CTSL: variants seen among roughly 807,000 people sequenced by gnomAD.
CTSL encodes the protein cathepsin L.
CTSL carries 23 observed loss-of-function variants against 34.7 expected under a neutral mutation model. The ratio of observed to expected loss-of-function variants is 0.66; its 90% CI spans 0.48 to 0.94. CTSL has a LOEUF of 0.94. CTSL is among the 40% of genes least tolerant of loss of function. The pLI is 0.00. For synonymous variants in CTSL, 129 were observed against 136.7 expected (o/e 0.94, Z 0.39); for missense variants, 361 against 406.3 (o/e 0.89, Z 0.96).
intron 5 of CTSL, chr9:87,729,062 G>A (rs1267965502): frequency 3.4e-5 from 34 of 995,864 alleles, no homozygotes; most frequent in Non-Finnish European, 3.8e-5. Flanking sequence ...GGTGGTGTGC[G>A]TCTGTGGTCC....
At chr9:87,728,973 C>T (rs1826150829) in intron 5 of CTSL, 164 bp downstream of exon 5, 1 of 1,447,406 alleles carries the variant, frequency 6.9e-7, no homozygotes, top group Non-Finnish European at 9.0e-7. Context: ...ATGGCTTAAG[C>T]TCAGGAGTTT....
Position 87,728,645 on chromosome 9 carries a change from C to G in CTSL, c.457C>G (p.Arg153Gly). 4 of 1,613,956 alleles carry G rather than the reference C, an allele frequency of 2.5e-6. No individual in the cohort carries two copies. The highest frequency in any genetic ancestry group is 3.4e-6 in the Non-Finnish European group (4 of 1,180,004). The part of the protein sequence containing the change: ...ATGALEGQMF[R>G]KTGRLISLSE... ...TGGTGCTCTTGAAGGACAGATGTTC[C>G]GGAAAACTGGGAGGCTTATCTCACT... Residue 153 changes from arginine to glycine, a missense_variant, in exon 5 of 8, where the codon CGG becomes GGG. Physicochemically the swap from Arg to Gly is moderately radical, Grantham distance 125. Transcript: ENST00000343150.
At position 87,728,590 on chromosome 9, in the gene CTSL, G is replaced by T. The variant is rs11541204; in HGVS notation, c.402G>T (p.Gln134His). Residue 134 changes from glutamine (Q) to histidine (H), a missense_variant, in exon 5 of 8, where the codon CAG becomes CAT. Gln to His is a conservative substitution (Grantham distance 24). Transcript: ENST00000343150. ...TTTTTTAATTCCCTTTTCAGGGTCA[G>T]TGTGGTTCTTGTTGGGCTTTTAGTG... is the stretch of plus-strand genomic sequence containing the variant. The part of the protein sequence containing the change: ...GYVTPVKNQG[Q>H]CGSCWAFSAT... 1.2e-6 allele frequency: 2 copies of T among 1,613,638 alleles called. No homozygotes were observed. Among genetic ancestry groups the T allele is most frequent in the East Asian group, 4.5e-5 (2 of 44,872 alleles).
chr9:87,729,916 A>G (rs1313831147), intron 6 of CTSL, among the ~76,000 whole-genome samples, 181 bp downstream of exon 6: 1 of 152,220 alleles, frequency 6.6e-6, no homozygotes, highest in Non-Finnish European at 1.5e-5. Context: ...TATGTTGCGT[A>G]TATCTCCATG....
Position 87,731,015 on chromosome 9 carries a change from G to A in CTSL, c.910G>A (p.Glu304Lys), listed in dbSNP as rs1339130284. The change falls in exon 8 of 8, where the codon GAA becomes AAA. Residue 304 changes from glutamate to lysine, a missense_variant. By Grantham distance (56) the Glu-to-Lys change is moderately conservative (BLOSUM62 1). Transcript: ENST00000343150. ...AACCTGCTCTTTTTTCAGCTGGGGT[G>A]AAGAATGGGGCATGGGTGGCTACGT... ...KYWLVKNSWG[E>K]EWGMGGYVKM... The A allele has an allele frequency of 1.9e-6, 3 of 1,613,868 alleles. No homozygotes were observed. Among genetic ancestry groups the A allele is most frequent in the Non-Finnish European group, 2.5e-6 (3 of 1,179,828 alleles).
chr9:87,728,074 G>T lies in CTSL; in HGVS notation c.174G>T (p.Met58Ile). Residue 58 changes from methionine to isoleucine, a missense_variant, in exon 3 of 8, where the codon ATG (methionine) becomes ATT (isoleucine). By Grantham distance (10) the Met-to-Ile change is conservative. Transcript: ENST00000343150. ...RRAVWEKNMK[M>I]IELHNQEYRE... is the part of the protein sequence containing the mutation. ...CAGTGTGGGAGAAGAACATGAAGAT[G>T]ATTGAACTGCACAATCAGGAATACA... 1.9e-6 allele frequency: 3 copies of T among 1,614,046 alleles called. No individual in the cohort carries two copies. The highest frequency in any genetic ancestry group is 1.7e-6 in the Non-Finnish European group (2 of 1,179,942).
Position 87,726,142 on chromosome 9 carries a change from G to C in CTSL, c.-267G>C, listed in dbSNP as rs949572236. ...CCAGAACCGCGACCTCCGCAACCTT[G>C]AGCGGCATCCGTGGAGTGCGCCTGC... On this transcript the variant is annotated 5_prime_UTR_variant, in exon 1 of 8. Coordinates refer to ENST00000343150, the MANE Select transcript of CTSL (RefSeq NM_001912.5). The C allele has an allele frequency of 4.6e-5, 7 of 152,200 alleles. No individual in the cohort carries two copies. Among genetic ancestry groups the C allele is most frequent in the African/African-American group, 1.7e-4 (7 of 41,322 alleles). The allele number at this position is 152,200 out of a possible 1,614,324, so 9.4% of individuals were successfully genotyped here.
At chr9:87,727,895 A>C in intron 2 of CTSL, 132 bp from the exon 3 acceptor site, 1 of 1,436,452 alleles carries the variant, frequency 7.0e-7, no homozygotes, top group East Asian at 2.3e-5. Context: ...AGTTTGGAGA[A>C]CAGCATCCCC....
At chr9:87,730,597 C>G in intron 7 of CTSL, 99 bp downstream of exon 7, 1 of 776,210 alleles carries the variant, frequency 1.3e-6, no homozygotes, top group Non-Finnish European at 2.1e-6. Context: ...AGGCATACTT[C>G]TGAAATCCCC....
At position 87,728,082 on chromosome 9, in the gene CTSL, T is replaced by C. The variant is rs1249790217; in HGVS notation, c.182T>C (p.Leu61Pro). Reference protein sequence around the residue: ...VWEKNMKMIELHNQEYREGKH... With the variant: ...VWEKNMKMIEPHNQEYREGKH... ...GAGAAGAACATGAAGATGATTGAAC[T>C]GCACAATCAGGAATACAGGGAAGGG... The change falls in exon 3 of 8, where the codon CTG (leucine) becomes CCG (proline). Residue 61 changes from leucine (L) to proline (P), a missense_variant. By Grantham distance (98) the Leu-to-Pro change is moderately conservative. Coordinates refer to ENST00000343150, the MANE Select transcript of CTSL (RefSeq NM_001912.5). 6.2e-7 allele frequency: 1 copy of C among 1,613,908 alleles called. No homozygotes were observed. Among genetic ancestry groups the C allele is most frequent in the Non-Finnish European group, 8.5e-7 (1 of 1,179,844 alleles).
intron 7 of CTSL, 33 bp from the exon 8 acceptor site, chr9:87,730,975 T>G (rs763085499): frequency 1.3e-6 from 2 of 1,587,786 alleles, no homozygotes; most frequent in South Asian, 2.2e-5. Flanking sequence ...GCTTTATTCT[T>G]TCTCTGAAAT....
chr9:87,727,931 T>C, intron 2 of CTSL, 96 bp from the exon 3 acceptor site: 1 of 1,561,256 alleles, frequency 6.4e-7, no homozygotes, highest in Non-Finnish European at 8.7e-7. Context: ...TCCCTTGCCA[T>C]GGTTTCTCTT....
Position 87,728,080 on chromosome 9 carries a change from A to G in CTSL, c.180A>G (p.Glu60=), listed in dbSNP as rs1826097478. The part of the protein sequence containing the change: ...AVWEKNMKMI[E]LHNQEYREGK... ...GGGAGAAGAACATGAAGATGATTGA[A>G]CTGCACAATCAGGAATACAGGGAAG... Residue 60 remains glutamate, a synonymous_variant, in exon 3 of 8, where the codon GAA becomes GAG. Transcript: ENST00000343150. The G allele has an allele frequency of 5.6e-6, 9 of 1,613,960 alleles. No homozygotes were observed. Among genetic ancestry groups the G allele is most frequent in the Non-Finnish European group, 6.8e-6 (8 of 1,179,868 alleles).
In CTSL at chr9:87,728,138, T is replaced by A; in HGVS notation, c.238T>A (p.Phe80Ile). The A allele has an allele frequency of 6.2e-7, 1 of 1,614,182 alleles. No individual in the cohort carries two copies. The highest frequency in any genetic ancestry group is 8.5e-7 in the Non-Finnish European group (1 of 1,180,020). Residue 80 changes from phenylalanine (F) to isoleucine (I), a missense_variant, in exon 3 of 8, where the codon TTT (phenylalanine) becomes ATT (isoleucine). By Grantham distance (21) the Phe-to-Ile change is conservative (BLOSUM62 0). Transcript: ENST00000343150. ...KHSFTMAMNA[F>I]GDMTSEEFRQ... is the part of the protein sequence containing the mutation. ...CAGCTTCACAATGGCCATGAACGCC[T>A]TTGGAGACATGGTAAGTGTGCTGTG...
In CTSL at chr9:87,728,743, T is replaced by C; in HGVS notation, c.555T>C (p.Tyr185=). 7 of 1,614,230 alleles carry C rather than the reference T, an allele frequency of 4.3e-6. No individual in the cohort carries two copies. Among genetic ancestry groups the C allele is most frequent in the Non-Finnish European group, 5.9e-6 (7 of 1,180,048 alleles). The part of the protein sequence containing the change: ...NEGCNGGLMD[Y]AFQYVQDNGG... ...GCTGCAATGGTGGCCTAATGGATTATGCTTTCCAGTATGTTCAGGATAATG... is the reference window on the plus strand; with the variant it reads ...GCTGCAATGGTGGCCTAATGGATTACGCTTTCCAGTATGTTCAGGATAATG... The change falls in exon 5 of 8, where the codon TAT becomes TAC. Residue 185 remains tyrosine, a synonymous_variant. Transcript: ENST00000343150.
chr9:87,729,001 C>T, intron 5 of CTSL, 192 bp downstream of exon 5: 2 of 1,389,626 alleles, frequency 1.4e-6, no homozygotes, highest in Non-Finnish European at 1.9e-6. Flanking sequence ...GCCTGGGCAA[C>T]AAGGTGAAAC....
At position 87,728,066 on chromosome 9, in the gene CTSL, A is replaced by C; in HGVS notation, c.166A>C (p.Met56Leu). ...GAGGAGAGCAGTGTGGGAGAAGAAC[A>C]TGAAGATGATTGAACTGCACAATCA... ...GWRRAVWEKN[M>L]KMIELHNQEY... Residue 56 changes from methionine to leucine, a missense_variant, in exon 3 of 8, where the codon ATG becomes CTG. Physicochemically the swap from Met to Leu is conservative, Grantham distance 15. Transcript: ENST00000343150. 1 of 1,614,012 alleles carries C rather than the reference A, an allele frequency of 6.2e-7. No homozygotes were observed. Among genetic ancestry groups the C allele is most frequent in the Non-Finnish European group, 8.5e-7 (1 of 1,179,900 alleles).
Position 87,726,187 on chromosome 9 carries a change from G to A in CTSL, c.-222G>A, listed in dbSNP as rs1825982536. 6.6e-6 allele frequency: 1 copy of A among 152,418 alleles called. No individual in the cohort carries two copies. Among genetic ancestry groups the A allele is most frequent in the Non-Finnish European group, 1.5e-5 (1 of 68,182 alleles). 9.4% of individuals were successfully genotyped at this position (152,418 alleles called of 1,614,324 possible). A position where few individuals can be genotyped will look rare whatever the true frequency, so the allele number is the denominator to read the frequency against. ...GCCTGCGCAGCTACGACCGCAGCAG[G>A]AAAGCGCCGCCGGCCAGGCCCAGCT... On this transcript the variant is annotated 5_prime_UTR_variant, in exon 1 of 8. Transcript: ENST00000343150.
At chr9:87,727,319 C>T (rs1365195957) in intron 1 of CTSL, among the ~76,000 whole-genome samples, 1 of 152,080 alleles carries the variant, frequency 6.6e-6, no homozygotes, top group East Asian at 1.9e-4. Flanking sequence ...TAGTTTCATA[C>T]CGTTCTCATA....
Sources: allele counts gnomAD v4.1 joint callset (sites outside exome capture counted in the v4.1 genomes callset), GRCh38; gene constraint gnomAD v4.1.1; transcripts MANE v1.5; gene names NCBI Gene and HGNC (gene_info 2026-07-23, HGNC 2026-07-21).